The following ARNT2 variants were observed in gnomAD, a reference collection of about 807,000 sequenced individuals.
ARNT2 encodes the protein ARNT protein 2.
Under a neutral mutation model 91.7 loss-of-function variants are expected in ARNT2, and 36 were observed. The observed-to-expected ratio is 0.39, with a 90% confidence interval of 0.30 to 0.52. ARNT2 has a LOEUF of 0.52. ARNT2 is among the 20% of genes least tolerant of loss of function. The probability of loss-of-function intolerance (pLI) is 0.72; values close to 1 mark genes in which losing one functional copy is unlikely to be tolerated. For missense variants in ARNT2, 775 were observed against 939.3 expected (o/e 0.83, Z 2.29); for synonymous variants, 365 against 347.1 (o/e 1.05, Z -0.57).
chr15:80,582,371 C>T (rs1898815317), intron 17 of ARNT2, among the ~76,000 whole-genome samples: 1 of 151,880 alleles, frequency 6.6e-6, no homozygotes, highest in African/African-American at 2.4e-5. Flanking sequence ...TGGTGCATGC[C>T]TGTAATTCCA....
intron 1 of ARNT2, among the ~76,000 whole-genome samples, chr15:80,412,425 A>C (rs1250311131): frequency 6.6e-6 from 1 of 152,226 alleles, no homozygotes; most frequent in African/African-American, 2.4e-5. Flanking sequence ...ATGCACAAAA[A>C]CACTAAGATA....
intron 5 of ARNT2, among the ~76,000 whole-genome samples, chr15:80,481,751 T>G (rs1896893533): frequency 6.6e-6 from 1 of 152,000 alleles, no homozygotes; most frequent in African/African-American, 2.4e-5. Flanking sequence ...AGTGAAATAT[T>G]AATAGCTGTA....
chr15:80,498,730 C>T (rs1219482396), intron 5 of ARNT2, among the ~76,000 whole-genome samples: 1 of 152,174 alleles, frequency 6.6e-6, no homozygotes, highest in Non-Finnish European at 1.5e-5. Context: ...AAGAACTACA[C>T]AAAAATAAAA....
chr15:80,453,135 G>A (rs982804757), intron 2 of ARNT2, among the ~76,000 whole-genome samples: 2 of 152,212 alleles, frequency 1.3e-5, no homozygotes, highest in African/African-American at 2.4e-5. Context: ...CACACACAGC[G>A]TGGCACTGGA....
intron 17 of ARNT2, among the ~76,000 whole-genome samples, chr15:80,586,726 C>T (rs1314675242): frequency 6.6e-6 from 1 of 151,052 alleles, no homozygotes; most frequent in Non-Finnish European, 1.5e-5. Context: ...ATTAGCCGGG[C>T]ATGGTGGTGC....
chr15:80,574,036 G>T, intron 12 of ARNT2, 112 bp from the exon 13 acceptor site: 1 of 796,892 alleles, frequency 1.3e-6, no homozygotes, highest in East Asian at 2.5e-5. Flanking sequence ...ACAATGTAGA[G>T]ATCCATCGGA....
At chr15:80,536,652 G>A (rs572483715) in intron 8 of ARNT2, among the ~76,000 whole-genome samples, 2 of 152,076 alleles carry the variant, frequency 1.3e-5, no homozygotes, top group Non-Finnish European at 2.9e-5. Flanking sequence ...ACCTTACCGA[G>A]GACTTCCTTA....
intron 13 of ARNT2, 140 bp from the exon 14 acceptor site, chr15:80,574,847 C>A: frequency 1.8e-6 from 2 of 1,105,470 alleles, no homozygotes; most frequent in Non-Finnish European, 2.5e-6. Flanking sequence ...AGCTTCCCAC[C>A]CGATAAAATG....
chr15:80,566,124 A>T (rs935086350), intron 12 of ARNT2, among the ~76,000 whole-genome samples: 6 of 152,164 alleles, frequency 3.9e-5, no homozygotes, highest in African/African-American at 1.4e-4. Flanking sequence ...AGTAACTATC[A>T]CTGAGATTGT....
chr15:80,552,731 T>A lies in ARNT2; in HGVS notation c.1046T>A (p.Phe349Tyr). ...SRHNSDGIIT[F>Y]VDPRCISVIG... ...CATAACTCCGATGGAATCATCACAT[T>A]TGTGGATCCAAGATGTATCAGTGTG... The change falls in exon 10 of 19, where the codon TTT (phenylalanine) becomes TAT (tyrosine). Residue 349 changes from phenylalanine to tyrosine, a missense_variant. Coordinates refer to ENST00000303329, the MANE Select transcript of ARNT2 (RefSeq NM_014862.4). The A allele has an allele frequency of 6.2e-7, 1 of 1,614,114 alleles. No individual in the cohort carries two copies. The highest frequency in any genetic ancestry group is 8.5e-7 in the Non-Finnish European group (1 of 1,179,972).
At chr15:80,443,383 G>A (rs1194978459) in intron 1 of ARNT2, among the ~76,000 whole-genome samples, 1 of 152,204 alleles carries the variant, frequency 6.6e-6, no homozygotes, top group Non-Finnish European at 1.5e-5. Context: ...AGAGGCAAGG[G>A]CTGGCCTTGT....
At chr15:80,585,589 C>T (rs1898881302) in intron 17 of ARNT2, among the ~76,000 whole-genome samples, 3 of 152,180 alleles carry the variant, frequency 2.0e-5, no homozygotes, top group African/African-American at 7.2e-5. Context: ...GTCTTGGTAA[C>T]ACACTGTGGA....
rs1596030586 is a variant in ARNT2, at chr15:80,595,501, C to G, written c.*1803C>G. On this transcript the variant is annotated 3_prime_UTR_variant, in exon 19 of 19. Transcript: ENST00000303329. The stretch of plus-strand genomic sequence containing the variant: ...GATCCATTGAAAGCTCCACATTAAA[C>G]CCCAGCCCTGTCTGGCCAGGGAGAT... 1 of 152,384 alleles carries G rather than the reference C, an allele frequency of 6.6e-6. No individual in the cohort carries two copies. Among genetic ancestry groups the G allele is most frequent in the Non-Finnish European group, 1.5e-5 (1 of 68,072 alleles). 9.4% of individuals were successfully genotyped at this position (152,384 alleles called of 1,614,324 possible).
At chr15:80,407,006 A>G (rs1347921812) in intron 1 of ARNT2, among the ~76,000 whole-genome samples, 1 of 152,162 alleles carries the variant, frequency 6.6e-6, no homozygotes, top group Admixed American at 6.5e-5. Context: ...CAACAAAAAG[A>G]GCCATGGTAC....
At chr15:80,424,165 C>T (rs1396729458) in intron 1 of ARNT2, among the ~76,000 whole-genome samples, 1 of 152,180 alleles carries the variant, frequency 6.6e-6, no homozygotes, top group Non-Finnish European at 1.5e-5. Flanking sequence ...CAGATCTGGG[C>T]ATGTATACAC....
intron 5 of ARNT2, among the ~76,000 whole-genome samples, chr15:80,476,938 G>T: frequency 6.6e-6 from 1 of 152,152 alleles, no homozygotes; most frequent in East Asian, 1.9e-4. Flanking sequence ...GGATCATGGG[G>T]GTGGGTTCGC....
intron 8 of ARNT2, among the ~76,000 whole-genome samples, chr15:80,531,480 A>T (rs1178024470): frequency 6.6e-6 from 1 of 152,240 alleles, no homozygotes; most frequent in Non-Finnish European, 1.5e-5. Context: ...AGCTGGAATT[A>T]TCCTGTTCAT....
intron 5 of ARNT2, among the ~76,000 whole-genome samples, chr15:80,478,649 C>T (rs1896842522): frequency 1.3e-5 from 2 of 152,126 alleles, no homozygotes; most frequent in Non-Finnish European, 2.9e-5. Context: ...CTTTTGCAGT[C>T]ATAGGGTGTG....
chr15:80,453,383 G>A (rs1267916752), intron 2 of ARNT2, among the ~76,000 whole-genome samples: 1 of 152,180 alleles, frequency 6.6e-6, no homozygotes, highest in African/African-American at 2.4e-5. Flanking sequence ...GCCGGAGGGA[G>A]GGGGCACACA....
Sources: gnomAD v4.1 joint callset for allele counts (sites outside exome capture counted in the v4.1 genomes callset) on GRCh38, gnomAD v4.1.1 for gene constraint, MANE v1.5 for transcripts, NCBI Gene and HGNC (gene_info 2026-07-23, HGNC 2026-07-21) for gene names.